The following NEO1 variants were observed in gnomAD, a reference collection of about 807,000 sequenced individuals.
The protein encoded by NEO1 is neogenin.
A neutral mutation model predicts 159.7 loss-of-function variants in NEO1; 63 were observed. The ratio of observed to expected loss-of-function variants is 0.39; its 90% CI spans 0.32 to 0.49. The LOEUF (loss-of-function observed/expected upper bound fraction) is 0.49, where lower values mean the gene tolerates loss of function less well. Ranked by LOEUF, NEO1 falls within the 20% of genes least tolerant of loss-of-function variation. The probability of loss-of-function intolerance (pLI) is 0.85; values close to 1 mark genes in which losing one functional copy is unlikely to be tolerated. For synonymous variants in NEO1, 633 were observed against 662.0 expected (o/e 0.96, Z 0.67); for missense variants, 1,615 against 1,831.0 (o/e 0.88, Z 2.15).
At chr15:73,127,253 A>G (rs1331687317) in intron 4 of NEO1, among the ~76,000 whole-genome samples, 2 of 151,768 alleles carry the variant, frequency 1.3e-5, no homozygotes, top group Non-Finnish European at 2.9e-5. Context: ...AAGAAACTGT[A>G]TTCCTCATCC....
chr15:73,273,778 G>A (rs2041285059), intron 19 of NEO1, 33 bp from the exon 20 acceptor site: 1 of 1,545,560 alleles, frequency 6.5e-7, no homozygotes. Context: ...AAGCAGGAGT[G>A]AGATTTCTTT....
chr15:73,147,897 T>C (rs2033049147), intron 5 of NEO1, among the ~76,000 whole-genome samples: 1 of 151,844 alleles, frequency 6.6e-6, no homozygotes, highest in East Asian at 1.9e-4. Flanking sequence ...CACTGCATCC[T>C]CCACCTCCTG....
chr15:73,141,079 C>CT (rs1162883256), intron 5 of NEO1, among the ~76,000 whole-genome samples: 9 of 152,098 alleles, frequency 5.9e-5, no homozygotes, highest in Admixed American at 5.2e-4. Context: ...GAGATCATCT[C>CT]TTTTTTTACT....
chr15:73,270,986 C>T (rs2041139894), intron 18 of NEO1, among the ~76,000 whole-genome samples: 1 of 152,236 alleles, frequency 6.6e-6, no homozygotes, highest in African/African-American at 2.4e-5. Context: ...GACTTTTAGA[C>T]ATGCCTTTCT....
chr15:73,275,071 A>C (rs1158394807), intron 21 of NEO1, among the ~76,000 whole-genome samples: 1 of 152,132 alleles, frequency 6.6e-6, no homozygotes, highest in East Asian at 1.9e-4. Context: ...CCAATTGTTC[A>C]TGTTTGCAGC....
At chr15:73,085,410 A>G (rs1270679775) in intron 1 of NEO1, among the ~76,000 whole-genome samples, 1 of 152,194 alleles carries the variant, frequency 6.6e-6, no homozygotes, top group Non-Finnish European at 1.5e-5. Context: ...CGTAGGGATT[A>G]TGAATAAGGC....
chr15:73,281,457 A>G (rs1190087566), intron 22 of NEO1, among the ~76,000 whole-genome samples: 2 of 152,052 alleles, frequency 1.3e-5, no homozygotes, highest in East Asian at 2.0e-4. Context: ...AGGTTTCACC[A>G]TGTTAGCCAG....
chr15:73,115,797 A>G (rs533199488), intron 1 of NEO1, among the ~76,000 whole-genome samples: 1 of 152,306 alleles, frequency 6.6e-6, no homozygotes, highest in East Asian at 1.9e-4. Flanking sequence ...TGTTCAAAGA[A>G]CTGACAGGGA....
intron 2 of NEO1, among the ~76,000 whole-genome samples, chr15:73,118,687 A>G (rs1273688219): frequency 1.3e-5 from 2 of 152,182 alleles, no homozygotes. Context: ...GTAGAAGGTG[A>G]TACATTCTGT....
At chr15:73,074,977 G>C (rs948222045) in intron 1 of NEO1, among the ~76,000 whole-genome samples, 2 of 152,136 alleles carry the variant, frequency 1.3e-5, no homozygotes, top group African/African-American at 4.8e-5. Context: ...GGCATATAAT[G>C]TGTCTCCAGA....
In NEO1 at chr15:73,111,404, A is replaced by G. The variant is rs114888858; in HGVS notation, c.131-5136A>G. Among the ~76,000 whole-genome samples the G allele has an allele frequency of 5.2e-3, 798 of 152,322 alleles. 10 individuals are homozygous for G. The highest frequency in any genetic ancestry group is 0.018 in the African/African-American group (764 of 41,570). ...TATGAATTTATGAATGAAGATGGCTATATTTCTGCTTAAGTAATACTATTT... is the reference window on the plus strand; with the variant it reads ...TATGAATTTATGAATGAAGATGGCTGTATTTCTGCTTAAGTAATACTATTT... On this transcript the variant is annotated intron_variant, in intron 1 of 28. Transcript: ENST00000261908.
chr15:73,066,682 C>A (rs1482812495), intron 1 of NEO1, among the ~76,000 whole-genome samples: 2 of 152,072 alleles, frequency 1.3e-5, no homozygotes, highest in Non-Finnish European at 2.9e-5. Flanking sequence ...TTTAGGTATA[C>A]CTTTAGTTCT....
chr15:73,107,671 A>G (rs979453252), intron 1 of NEO1, among the ~76,000 whole-genome samples: 12 of 152,232 alleles, frequency 7.9e-5, no homozygotes. Context: ...GTGTAAAACA[A>G]TGCCATCATT....
rs576077080 is a variant in NEO1, at chr15:73,176,088, G to A, written c.1016-315G>A. On this transcript the variant is annotated intron_variant, in intron 5 of 28. Coordinates refer to ENST00000261908, the MANE Select transcript of NEO1 (RefSeq NM_002499.4). Reference sequence around the variant, plus strand: ...AAAAAATGGTATAAATCTTAGGGAAGTATTCTTTAATATTTATTTTTAGAC... The same window carrying A: ...AAAAAATGGTATAAATCTTAGGGAAATATTCTTTAATATTTATTTTTAGAC... 4.8e-4 allele frequency among the ~76,000 whole-genome samples: 73 copies of A among 152,202 alleles called. 1 individual carries two copies. Among genetic ancestry groups the A allele is most frequent in the African/African-American group, 1.7e-3 (69 of 41,548 alleles).
intron 10 of NEO1, 37 bp downstream of exon 10, chr15:73,249,245 A>G: frequency 6.2e-7 from 1 of 1,601,420 alleles, no homozygotes; most frequent in Non-Finnish European, 8.5e-7. Context: ...CATTGATTGG[A>G]ATAGTAGAGT....
chr15:73,222,346 C>T (rs541682749), intron 7 of NEO1, among the ~76,000 whole-genome samples: 25 of 151,824 alleles, frequency 1.6e-4, no homozygotes, highest in Admixed American at 2.6e-4. Context: ...CCTCGTGATC[C>T]GCCCGCCTCA....
rs567260714 is a variant in NEO1 at position 73,241,365 on chromosome 15, G to A, written c.1452-2979G>A. On this transcript the variant is annotated intron_variant, in intron 8 of 28. Transcript: ENST00000261908. ...AGCAATTATTTATTTTTATGGCCCC[G>A]GAGCTAAGAATAGTTTTTACATTTT... Among the ~76,000 whole-genome samples the A allele has an allele frequency of 2.0e-4, 31 of 152,220 alleles. No individual in the cohort carries two copies. In the South Asian group the frequency reaches 3.5e-3, roughly 17 times the overall value.
intron 7 of NEO1, among the ~76,000 whole-genome samples, chr15:73,231,667 A>G (rs2038918910): frequency 6.6e-6 from 1 of 152,192 alleles, no homozygotes; most frequent in East Asian, 1.9e-4. Flanking sequence ...GGCTGCAGTG[A>G]GCCATGATTG....
intron 7 of NEO1, among the ~76,000 whole-genome samples, chr15:73,209,073 T>G (rs534720831): frequency 6.6e-5 from 10 of 152,340 alleles, no homozygotes; most frequent in South Asian, 4.1e-4. Flanking sequence ...ATGTGTAGTA[T>G]TATTCCTCTG....
Sources: gnomAD v4.1 joint callset for allele counts (sites outside exome capture counted in the v4.1 genomes callset) on GRCh38, gnomAD v4.1.1 for gene constraint, MANE v1.5 for transcripts, NCBI Gene and HGNC (gene_info 2026-07-23, HGNC 2026-07-21) for gene names.